Variants in ITPR2 observed in about 807,000 individuals in gnomAD.
ITPR2 encodes inositol 1,4,5-trisphosphate-gated calcium channel ITPR2.
Under a neutral mutation model 317.1 loss-of-function variants are expected in ITPR2, and 207 were observed. The ratio of observed to expected loss-of-function variants is 0.65; its 90% confidence interval spans 0.58 to 0.73. The LOEUF (loss-of-function observed/expected upper bound fraction) is 0.73, where lower values mean the gene tolerates loss of function less well. Ranked by LOEUF, ITPR2 falls within the 30% of genes least tolerant of loss-of-function variation. The probability of loss-of-function intolerance (pLI) is 0.00; values close to 1 mark genes in which losing one functional copy is unlikely to be tolerated. For synonymous variants in ITPR2, 1,156 were observed against 1,149.1 expected (o/e 1.01, Z -0.12); for missense variants, 2,613 against 3,284.0 (o/e 0.80, Z 4.99).
rs189722703 is a variant in ITPR2 at position 26,636,792 on chromosome 12, C to G, written c.2741-4733G>C. Among the ~76,000 whole-genome samples the G allele has an allele frequency of 5.3e-4, 81 of 152,268 alleles. No homozygotes were observed. In the East Asian group the frequency reaches 9.4e-3, roughly 18 times the overall value. ...ACCACAGGCCACATATACCCTTCAC[C>G]TCATTGGATCCTCACAGCACGGTGG... On this transcript the variant is annotated intron_variant, in intron 21 of 56. Coordinates refer to ENST00000381340, the MANE Select transcript of ITPR2 (RefSeq NM_002223.4).
At chr12:26,503,220 CGGATTAAGTGAG>C (rs1943114119) in intron 37 of ITPR2, among the ~76,000 whole-genome samples, 1 of 151,542 alleles carries the variant, frequency 6.6e-6, no homozygotes, top group South Asian at 2.1e-4. Context: ...CACACACACA[CGGATTAAGTGAG>C]AGACAAAGAC....
chr12:26,416,843 C>T lies in ITPR2; in HGVS notation c.7111-1345G>A, dbSNP rs142703339. On this transcript the variant is annotated intron_variant, in intron 50 of 56. Coordinates refer to ENST00000381340, the MANE Select transcript of ITPR2 (RefSeq NM_002223.4). ...GTCGAGATTTTTCTTTAAGTCAACT[C>T]AGCTGAGGTTTAAAGAAAAAAAAAT... Among the ~76,000 whole-genome samples, 185 of 152,090 alleles carry T rather than the reference C, an allele frequency of 1.2e-3. 1 individual carries two copies. The highest frequency in any genetic ancestry group is 4.1e-3 in the African/African-American group (171 of 41,510).
intron 8 of ITPR2, among the ~76,000 whole-genome samples, chr12:26,714,027 C>T (rs1038832836): frequency 2.0e-5 from 3 of 152,130 alleles, no homozygotes; most frequent in Non-Finnish European, 4.4e-5. Context: ...TGCATGCTAG[C>T]GACTGAAATT....
At chr12:26,531,299 G>T (rs1423041197) in intron 37 of ITPR2, among the ~76,000 whole-genome samples, 1 of 152,168 alleles carries the variant, frequency 6.6e-6, no homozygotes, top group Non-Finnish European at 1.5e-5. Flanking sequence ...GAGGGTAACA[G>T]CAGTGAACAG....
intron 37 of ITPR2, among the ~76,000 whole-genome samples, chr12:26,517,949 G>A (rs536642304): frequency 6.6e-6 from 1 of 152,320 alleles, no homozygotes; most frequent in South Asian, 2.1e-4. Context: ...AGCCACTGTG[G>A]AAAGCAGTTT....
chr12:26,526,038 C>G (rs1013878167), intron 37 of ITPR2, among the ~76,000 whole-genome samples: 6 of 152,234 alleles, frequency 3.9e-5, no homozygotes, highest in African/African-American at 1.4e-4. Flanking sequence ...TCTTTGCTCA[C>G]ACTCTCACCC....
intron 55 of ITPR2, among the ~76,000 whole-genome samples, chr12:26,342,963 T>C (rs571331966): frequency 6.6e-6 from 1 of 152,124 alleles, no homozygotes; most frequent in East Asian, 1.9e-4. Flanking sequence ...TTAGTTCCCA[T>C]GAGAGTGCGA....
At chr12:26,633,772 C>T (rs1325426861) in intron 21 of ITPR2, among the ~76,000 whole-genome samples, 2 of 152,220 alleles carry the variant, frequency 1.3e-5, no homozygotes, top group Non-Finnish European at 2.9e-5. Flanking sequence ...TTATCTGAGA[C>T]TTGATTCAAG....
chr12:26,442,113 T>C (rs1243905587), intron 46 of ITPR2, among the ~76,000 whole-genome samples: 2 of 152,086 alleles, frequency 1.3e-5, no homozygotes, highest in African/African-American at 4.8e-5. Flanking sequence ...ACCAGATTGA[T>C]CTTTTGAAAA....
Position 26,383,039 on chromosome 12 carries a change from C to T in ITPR2, c.7857+4395G>A, listed in dbSNP as rs189600157. ...GTGGGAGGCTTTTGGGTCATGGGGGCAGATCTTTTATGAATTGTTTGGTAC... is the reference window on the plus strand; with the variant it reads ...GTGGGAGGCTTTTGGGTCATGGGGGTAGATCTTTTATGAATTGTTTGGTAC... On this transcript the variant is annotated intron_variant, in intron 55 of 56. Coordinates refer to ENST00000381340, the MANE Select transcript of ITPR2 (RefSeq NM_002223.4). Among the ~76,000 whole-genome samples the T allele has an allele frequency of 1.8e-3, 278 of 152,186 alleles. 4 individuals are homozygous for T. The highest frequency in any genetic ancestry group is 6.6e-3 in the African/African-American group (274 of 41,508).
At chr12:26,564,748 G>T (rs75642727) in intron 34 of ITPR2, among the ~76,000 whole-genome samples, 9,985 of 152,262 alleles carry the variant, frequency 0.066, 498 homozygotes, top group Non-Finnish European at 0.1. Context: ...GAAGCTAAGA[G>T]AAAGGCATGG....
chr12:26,796,704 C>A (rs1022336634), intron 1 of ITPR2, among the ~76,000 whole-genome samples: 2 of 151,946 alleles, frequency 1.3e-5, no homozygotes, highest in African/African-American at 2.4e-5. Context: ...TGAAAAAAAA[C>A]AAAATTTTCA....
At position 26,831,870 on chromosome 12, in the gene ITPR2, ATAT is replaced by A. The variant is rs1362497953; in HGVS notation, c.92+817_92+819del. ...TATATTATACATAAAATATATAAAT[ATAT>A]TAATATATATTTCCCTCATTCATAA... is the stretch of plus-strand genomic sequence containing the variant. On this transcript the variant is annotated intron_variant, in intron 1 of 56. Coordinates refer to ENST00000381340, the MANE Select transcript of ITPR2 (RefSeq NM_002223.4). This position sits in a 1 kb window ranked among gnomAD's most constrained non-coding sequence, Gnocchi z 4.9. Among the ~76,000 whole-genome samples the A allele has an allele frequency of 6.9e-6, 1 of 145,320 alleles. No individual in the cohort carries two copies. The highest frequency in any genetic ancestry group is 1.5e-5 in the Non-Finnish European group (1 of 66,654).
At chr12:26,792,634 TCTTGTTTACCATTATATC>T (rs1950361794) in intron 1 of ITPR2, among the ~76,000 whole-genome samples, 1 of 152,098 alleles carries the variant, frequency 6.6e-6, no homozygotes, top group South Asian at 2.1e-4. Flanking sequence ...ATTGAATCCA[TCTTGTTTACCATTATATC>T]CTTGGCATCT....
At chr12:26,400,099 C>A in intron 53 of ITPR2, 29 bp downstream of exon 53, 1 of 1,575,624 alleles carries the variant, frequency 6.3e-7, no homozygotes, top group Non-Finnish European at 8.6e-7. Context: ...AGATGTGCTC[C>A]TTGAAAAAAT....
intron 29 of ITPR2, among the ~76,000 whole-genome samples, chr12:26,599,783 T>C (rs759542879): frequency 2.6e-5 from 4 of 152,196 alleles, no homozygotes; most frequent in African/African-American, 7.2e-5. Flanking sequence ...CATTGTCATT[T>C]GCATGTAAAA....
In ITPR2 at chr12:26,674,596, G is replaced by C. The variant is rs184906710; in HGVS notation, c.1409+7278C>G. ...TAGACCTAAAATCATAAAAACCCTA[G>C]AAGAAAACCTAGGCATTACCATTCA... On this transcript the variant is annotated intron_variant, in intron 13 of 56. Transcript: ENST00000381340. Among the ~76,000 whole-genome samples, 968 of 152,276 alleles carry C rather than the reference G, an allele frequency of 6.4e-3. 2 individuals carry two copies. The highest frequency in any genetic ancestry group is 0.014 in the Middle Eastern group (4 of 294).
intron 32 of ITPR2, among the ~76,000 whole-genome samples, chr12:26,586,376 C>T (rs1378619329): frequency 2.0e-5 from 3 of 152,164 alleles, no homozygotes; most frequent in East Asian, 1.9e-4. Context: ...TGGCCTTAAG[C>T]AGTCCCTGAA....
intron 1 of ITPR2, among the ~76,000 whole-genome samples, chr12:26,821,611 A>T (rs1950939831): frequency 1.3e-5 from 2 of 152,162 alleles, no homozygotes; most frequent in Non-Finnish European, 2.9e-5. Flanking sequence ...CTGGTCAGAG[A>T]TGGTTTCTGT....
Sources: allele counts gnomAD v4.1 joint callset (sites outside exome capture counted in the v4.1 genomes callset), GRCh38; gene constraint gnomAD v4.1.1; non-coding constraint Gnocchi (gnomAD v3.1); transcripts MANE v1.5; gene names NCBI Gene and HGNC (gene_info 2026-07-23, HGNC 2026-07-21).